KPNA4: variants seen among roughly 807,000 people sequenced by gnomAD.
The protein encoded by KPNA4 is karyopherin subunit alpha 4.
A neutral mutation model predicts 71.3 loss-of-function variants in KPNA4; 13 were observed. That is an observed-to-expected ratio of 0.18 (90% CI 0.12 to 0.29). The LOEUF (loss-of-function observed/expected upper bound fraction) is 0.29, where lower values mean the gene tolerates loss of function less well. Ranked by LOEUF, KPNA4 falls within the 10% of genes least tolerant of loss-of-function variation. The probability of loss-of-function intolerance (pLI) is 1.00; values close to 1 mark genes in which losing one functional copy is unlikely to be tolerated. For synonymous variants in KPNA4, 189 were observed against 195.2 expected (o/e 0.97, Z 0.26); for missense variants, 334 against 603.2 (o/e 0.55, Z 4.67).
rs1177258558 is a variant in KPNA4 at position 160,500,416 on chromosome 3, T to C, written c.*1688A>G. The C allele has an allele frequency of 6.6e-6, 1 of 152,640 alleles. No homozygotes were observed. The highest frequency in any genetic ancestry group is 1.5e-5 in the Non-Finnish European group (1 of 68,022). 9.5% of individuals were successfully genotyped at this position (152,640 alleles called of 1,614,324 possible). On this transcript the variant is annotated 3_prime_UTR_variant, in exon 17 of 17. Coordinates refer to ENST00000334256, the MANE Select transcript of KPNA4 (RefSeq NM_002268.5). Reference sequence around the variant, plus strand: ...TTAAACACAAAGTAGATATAGATGCTAATGGTGGCTAATCTGGTATGTTTC... The same window carrying C: ...TTAAACACAAAGTAGATATAGATGCCAATGGTGGCTAATCTGGTATGTTTC...
At chr3:160,549,825 G>A (rs1722001573) in intron 1 of KPNA4, among the ~76,000 whole-genome samples, 2 of 152,160 alleles carry the variant, frequency 1.3e-5, no homozygotes, top group Admixed American at 6.5e-5. Flanking sequence ...GGCTTGCAAT[G>A]GAATATTTAG....
chr3:160,504,878 C>T (rs913290433), intron 16 of KPNA4, 80 bp downstream of exon 16: 1 of 533,088 alleles, frequency 1.9e-6, no homozygotes, highest in Non-Finnish European at 3.0e-6. Flanking sequence ...CATGTATGTC[C>T]CCCAGCTTAC....
intron 11 of KPNA4, among the ~76,000 whole-genome samples, chr3:160,516,703 T>G (rs916327599): frequency 6.6e-6 from 1 of 150,952 alleles, no homozygotes; most frequent in Non-Finnish European, 1.5e-5. Context: ...GCCTGGGAGG[T>G]CCAGGCTGAA....
At chr3:160,546,636 G>A (rs560682584) in intron 1 of KPNA4, among the ~76,000 whole-genome samples, 2 of 152,244 alleles carry the variant, frequency 1.3e-5, no homozygotes, top group East Asian at 1.9e-4. Flanking sequence ...ATTACTAAAC[G>A]TACATTTACT....
In KPNA4 at chr3:160,496,986, A is replaced by C. The variant is rs1720776663; in HGVS notation, c.*5118T>G. 1 of 152,180 alleles carries C rather than the reference A, an allele frequency of 6.6e-6. No individual in the cohort carries two copies. The highest frequency in any genetic ancestry group is 2.4e-5 in the African/African-American group (1 of 41,444). 9.4% of individuals were successfully genotyped at this position (152,180 alleles called of 1,614,324 possible). ...TCTGGGTTAAGTGTTTAGGGAAAAA[A>C]ATGTTAAATCTACTTTTCTTATACA... On this transcript the variant is annotated 3_prime_UTR_variant, in exon 17 of 17. Transcript: ENST00000334256.
chr3:160,523,430 A>G (rs1224284270), intron 10 of KPNA4, among the ~76,000 whole-genome samples: 1 of 152,266 alleles, frequency 6.6e-6, no homozygotes, highest in African/African-American at 2.4e-5. Context: ...TAAAAAAATA[A>G]GATAAAAAAA....
chr3:160,532,950 A>G (rs542297287), intron 5 of KPNA4, among the ~76,000 whole-genome samples: 1 of 152,318 alleles, frequency 6.6e-6, no homozygotes, highest in African/African-American at 2.4e-5. Flanking sequence ...GTCCATTTCA[A>G]GTTCTATGTT....
intron 8 of KPNA4, among the ~76,000 whole-genome samples, chr3:160,527,614 T>C (rs1357267872): frequency 6.6e-6 from 1 of 152,082 alleles, no homozygotes; most frequent in Non-Finnish European, 1.5e-5. Flanking sequence ...TGGAGAAAGC[T>C]GAGAAATAAA....
intron 1 of KPNA4, among the ~76,000 whole-genome samples, chr3:160,561,324 T>A (rs936496535): frequency 6.6e-6 from 1 of 152,086 alleles, no homozygotes; most frequent in African/African-American, 2.4e-5. Flanking sequence ...TAATTTACTT[T>A]ATCCTGACAA....
chr3:160,519,801 C>CAAAAAAAAAAA (rs558355699), intron 11 of KPNA4, among the ~76,000 whole-genome samples: 5 of 83,692 alleles, frequency 6.0e-5, no homozygotes, highest in African/African-American at 1.8e-4. Context: ...GACTCCGTCT[C>CAAAAAAAAAAA]AAAAAAAAAA....
chr3:160,535,624 G>C, intron 4 of KPNA4, 37 bp downstream of exon 4: 2 of 1,587,468 alleles, frequency 1.3e-6, no homozygotes, highest in African/African-American at 2.7e-5. Flanking sequence ...TTGAGGACAA[G>C]AAATGCAAAT....
intron 1 of KPNA4, among the ~76,000 whole-genome samples, chr3:160,543,035 A>C (rs904695856): frequency 6.6e-6 from 1 of 152,200 alleles, no homozygotes; most frequent in Non-Finnish European, 1.5e-5. Context: ...TTAAATTAAA[A>C]AGTTATACAT....
intron 7 of KPNA4, among the ~76,000 whole-genome samples, chr3:160,530,641 T>C (rs1194663915): frequency 6.6e-6 from 1 of 152,190 alleles, no homozygotes; most frequent in Non-Finnish European, 1.5e-5. Flanking sequence ...TTCTCATATT[T>C]AGAAAGGAAT....
At chr3:160,505,111 G>C (rs1292191161) in intron 15 of KPNA4, 59 bp from the exon 16 acceptor site, 3 of 885,154 alleles carry the variant, frequency 3.4e-6, no homozygotes, top group African/African-American at 3.5e-5. Flanking sequence ...TGACAAGTTA[G>C]AATAATCTTT....
chr3:160,517,209 A>T (rs1721247526), intron 11 of KPNA4, among the ~76,000 whole-genome samples: 1 of 152,092 alleles, frequency 6.6e-6, no homozygotes, highest in Non-Finnish European at 1.5e-5. Flanking sequence ...TATTAACAAA[A>T]TCAAAATGTA....
At chr3:160,508,353 G>A (rs1311387441) in intron 14 of KPNA4, 84 bp from the exon 15 acceptor site, 14 of 981,006 alleles carry the variant, frequency 1.4e-5, no homozygotes, top group Non-Finnish European at 2.0e-5. Context: ...TTCTGATTTT[G>A]AAATTTCGAG....
intron 1 of KPNA4, among the ~76,000 whole-genome samples, chr3:160,540,976 G>A (rs998175669): frequency 6.6e-6 from 1 of 152,194 alleles, no homozygotes; most frequent in African/African-American, 2.4e-5. Context: ...TTTTAAGCAA[G>A]TCAAAACAGA....
intron 1 of KPNA4, among the ~76,000 whole-genome samples, chr3:160,556,944 T>C (rs1240998903): frequency 2.0e-5 from 3 of 152,140 alleles, no homozygotes; most frequent in East Asian, 1.9e-4. Flanking sequence ...CTACCCTAAA[T>C]AGGTAGGACT....
intron 1 of KPNA4, among the ~76,000 whole-genome samples, chr3:160,546,316 A>G (rs1014404136): frequency 5.9e-5 from 9 of 152,138 alleles, no homozygotes; most frequent in Admixed American, 6.5e-5. Context: ...TCAGGAGTTC[A>G]AGACCAGCCT....
Sources: gnomAD v4.1 joint callset for allele counts (sites outside exome capture counted in the v4.1 genomes callset) on GRCh38, gnomAD v4.1.1 for gene constraint, MANE v1.5 for transcripts, NCBI Gene and HGNC (gene_info 2026-07-23, HGNC 2026-07-21) for gene names.